Variants in EPHA6 observed in about 807,000 individuals in gnomAD.
EPHA6 encodes EPH receptor A6.
Under a neutral mutation model 112.0 loss-of-function variants are expected in EPHA6, and 50 were observed. The ratio of observed to expected loss-of-function variants is 0.45; its 90% CI spans 0.36 to 0.56. The LOEUF is 0.56. Among genes scored for constraint, EPHA6 ranks in the 20% least tolerant of loss-of-function variants. EPHA6 has a pLI of 0.00. For missense variants in EPHA6, 1,280 were observed against 1,417.4 expected (o/e 0.90, Z 1.56); for synonymous variants, 529 against 490.7 (o/e 1.08, Z -1.03).
intron 14 of EPHA6, among the ~76,000 whole-genome samples, chr3:97,714,915 C>A (rs952795684): frequency 6.6e-6 from 1 of 152,194 alleles, no homozygotes; most frequent in Non-Finnish European, 1.5e-5. Context: ...ATATGATAAG[C>A]TTTCCAAATA....
At chr3:97,598,981 C>G in intron 12 of EPHA6, among the ~76,000 whole-genome samples, 1 of 151,092 alleles carries the variant, frequency 6.6e-6, no homozygotes, top group East Asian at 1.9e-4. Context: ...GATGGTATCT[C>G]ATTGTGGTTT....
chr3:96,861,182 A>G (rs539332093), intron 1 of EPHA6, among the ~76,000 whole-genome samples: 4 of 152,198 alleles, frequency 2.6e-5, no homozygotes, highest in South Asian at 2.1e-4. Flanking sequence ...AATGAGTGAA[A>G]TAAGAAGGTA....
At chr3:97,139,892 G>C (rs1387507208) in intron 3 of EPHA6, among the ~76,000 whole-genome samples, 1 of 151,900 alleles carries the variant, frequency 6.6e-6, no homozygotes, top group Non-Finnish European at 1.5e-5. Flanking sequence ...AGCTCAATGA[G>C]ATCCAAGAAA....
At chr3:96,889,454 G>A (rs1321134837) in intron 2 of EPHA6, among the ~76,000 whole-genome samples, 1 of 152,162 alleles carries the variant, frequency 6.6e-6, no homozygotes. Flanking sequence ...GGCGGAACGT[G>A]AAAGGCACTT....
At chr3:97,613,035 A>C (rs2093733520) in intron 13 of EPHA6, among the ~76,000 whole-genome samples, 1 of 152,014 alleles carries the variant, frequency 6.6e-6, no homozygotes, top group Non-Finnish European at 1.5e-5. Flanking sequence ...CTTTGCACGT[A>C]GAGTTTCTAA....
At chr3:97,700,902 C>T (rs1329036373) in intron 14 of EPHA6, among the ~76,000 whole-genome samples, 1 of 152,066 alleles carries the variant, frequency 6.6e-6, no homozygotes, top group Non-Finnish European at 1.5e-5. Context: ...CCAACCCTGA[C>T]ACAGCAGGGA....
intron 13 of EPHA6, among the ~76,000 whole-genome samples, chr3:97,616,253 GA>G (rs1260139883): frequency 6.6e-6 from 1 of 151,990 alleles, no homozygotes; most frequent in Admixed American, 6.6e-5. Flanking sequence ...CCATTAAAAG[GA>G]AAAAAATAAA....
At chr3:96,956,835 C>T (rs1020936590) in intron 2 of EPHA6, among the ~76,000 whole-genome samples, 5 of 151,960 alleles carry the variant, frequency 3.3e-5, no homozygotes, top group Non-Finnish European at 7.4e-5. Flanking sequence ...GAGTTCGAGA[C>T]CAGCCTGGCC....
At chr3:97,274,601 A>G (rs2080004629) in intron 5 of EPHA6, among the ~76,000 whole-genome samples, 1 of 152,182 alleles carries the variant, frequency 6.6e-6, no homozygotes, top group African/African-American at 2.4e-5. Context: ...TAAGGCAACT[A>G]GTTCAGCTTG....
chr3:96,826,725 A>C (rs1319163052), intron 1 of EPHA6, among the ~76,000 whole-genome samples: 5 of 138,578 alleles, frequency 3.6e-5, no homozygotes, highest in Non-Finnish European at 8.3e-5. Context: ...TATTTTTCCC[A>C]AGCTGTCTTT....
chr3:97,003,411 A>G (rs1283779104), intron 3 of EPHA6, among the ~76,000 whole-genome samples: 1 of 152,142 alleles, frequency 6.6e-6, no homozygotes, highest in African/African-American at 2.4e-5. Context: ...AAGCCCCAGA[A>G]GAGTCACTCT....
intron 3 of EPHA6, among the ~76,000 whole-genome samples, chr3:97,022,975 C>T (rs1304671163): frequency 6.6e-6 from 1 of 152,156 alleles, no homozygotes; most frequent in Non-Finnish European, 1.5e-5. Flanking sequence ...AATAGGAGGA[C>T]AAGTTAATTA....
intron 3 of EPHA6, among the ~76,000 whole-genome samples, chr3:97,195,713 A>C (rs2077422869): frequency 6.6e-6 from 1 of 151,996 alleles, no homozygotes; most frequent in Non-Finnish European, 1.5e-5. Context: ...TTGTCTGGGA[A>C]AGTCTTTATT....
At chr3:97,602,652 G>T (rs755972007) in intron 12 of EPHA6, among the ~76,000 whole-genome samples, 1 of 152,018 alleles carries the variant, frequency 6.6e-6, no homozygotes, top group Non-Finnish European at 1.5e-5. Flanking sequence ...AATTACACTT[G>T]CCACAAGGGT....
rs138519697 is a variant in EPHA6, at chr3:96,952,812, A to T, written c.451-34518A>T. On this transcript the variant is annotated intron_variant, in intron 2 of 17. Transcript: ENST00000389672. The stretch of plus-strand genomic sequence containing the variant: ...TACAATTGGGAGCAAAATGATAAGA[A>T]CACATGGACACATAGAGGGGAACAA... Among the ~76,000 whole-genome samples, 890 of 152,230 alleles carry T rather than the reference A, an allele frequency of 5.8e-3. 3 individuals are homozygous for T. The highest frequency in any genetic ancestry group is 0.024 in the Middle Eastern group (7 of 294).
intron 5 of EPHA6, among the ~76,000 whole-genome samples, chr3:97,348,924 A>G (rs931496685): frequency 2.0e-5 from 3 of 152,080 alleles, no homozygotes; most frequent in Non-Finnish European, 4.4e-5. Context: ...ATATAATTTT[A>G]CCAAATAGAC....
rs985236212 is a variant in EPHA6 at position 97,263,161 on chromosome 3, T to C, written c.1606+18874T>C. On this transcript the variant is annotated intron_variant, in intron 5 of 17. Coordinates refer to ENST00000389672, the MANE Select transcript of EPHA6 (RefSeq NM_001080448.3). ...AAGCAGAATCAATATTTATTAACCA[T>C]ACCTACAGTATAATCTGGTTTATAA... Among the ~76,000 whole-genome samples the C allele has an allele frequency of 7.9e-5, 12 of 152,306 alleles. No homozygotes were observed. In the South Asian group the frequency reaches 2.5e-3, roughly 32 times the overall value.
chr3:97,254,348 CA>C (rs1442702748), intron 5 of EPHA6, among the ~76,000 whole-genome samples: 1 of 152,072 alleles, frequency 6.6e-6, no homozygotes, highest in Non-Finnish European at 1.5e-5. Flanking sequence ...GCCACCACGC[CA>C]GGGTAATTTT....
intron 4 of EPHA6, among the ~76,000 whole-genome samples, chr3:97,232,987 T>G (rs2078573163): frequency 6.6e-6 from 1 of 152,170 alleles, no homozygotes; most frequent in Non-Finnish European, 1.5e-5. Flanking sequence ...CTCTGCAATT[T>G]TGCCTCTTAT....
Sources: allele counts gnomAD v4.1 joint callset (sites outside exome capture counted in the v4.1 genomes callset), GRCh38; gene constraint gnomAD v4.1.1; transcripts MANE v1.5; gene names NCBI Gene and HGNC (gene_info 2026-07-23, HGNC 2026-07-21).